POU6F2: variants seen among roughly 807,000 people sequenced by gnomAD.
POU6F2 encodes the protein POU class 6 homeobox 2.
In POU6F2, 31 loss-of-function variants were observed where a neutral mutation model predicts 71.3. The ratio of observed to expected loss-of-function variants is 0.43; its 90% CI spans 0.33 to 0.59. POU6F2 has a LOEUF of 0.59. Among genes scored for constraint, POU6F2 ranks in the 20% least tolerant of loss-of-function variants. The pLI, the probability that POU6F2 is intolerant of heterozygous loss-of-function variation, is 0.04. For synonymous variants in POU6F2, 347 were observed against 355.7 expected (o/e 0.98, Z 0.27); for missense variants, 783 against 856.8 (o/e 0.91, Z 1.07).
At chr7:39,289,962 C>G (rs1393815691) in intron 4 of POU6F2, among the ~76,000 whole-genome samples, 1 of 152,030 alleles carries the variant, frequency 6.6e-6, no homozygotes, top group Non-Finnish European at 1.5e-5. Flanking sequence ...CAGTTCTCAC[C>G]ACCCAGTGAC....
At chr7:39,067,601 CA>C (rs1790785427) in intron 1 of POU6F2, among the ~76,000 whole-genome samples, 1 of 151,944 alleles carries the variant, frequency 6.6e-6, no homozygotes, top group Admixed American at 6.6e-5. Flanking sequence ...GGGAAAATAA[CA>C]ATACCAGTCT....
Position 39,304,115 on chromosome 7 carries a change from T to C in POU6F2, c.599-35527T>C, listed in dbSNP as rs573405435. On this transcript the variant is annotated intron_variant, in intron 4 of 9. Coordinates refer to ENST00000518318, the MANE Select transcript of POU6F2 (RefSeq NM_001370959.1). ...AAGGAAAATTTTCAATGATTTTATA[T>C]GTAAAAATGTAAAAGAACTTTATAT... 2.6e-5 allele frequency among the ~76,000 whole-genome samples: 4 copies of C among 152,298 alleles called. No individual in the cohort carries two copies. The East Asian group carries it at 5.8e-4, about 22-fold the overall frequency.
chr7:39,303,289 A>G (rs574966612), intron 4 of POU6F2, among the ~76,000 whole-genome samples: 17 of 151,970 alleles, frequency 1.1e-4, no homozygotes, highest in Non-Finnish European at 2.4e-4. Context: ...CTGGGACTAT[A>G]GGCACCCTCC....
intron 5 of POU6F2, among the ~76,000 whole-genome samples, chr7:39,346,685 C>A (rs1416970872): frequency 6.6e-6 from 1 of 152,222 alleles, no homozygotes; most frequent in Non-Finnish European, 1.5e-5. Context: ...CCAAAATATG[C>A]CGGCTGGCAC....
chr7:39,078,123 A>G (rs1791035134), intron 1 of POU6F2, among the ~76,000 whole-genome samples: 2 of 152,234 alleles, frequency 1.3e-5, no homozygotes, highest in Admixed American at 6.5e-5. Context: ...ACAAGCTCTC[A>G]GACCAAGAGC....
rs569696944 is a variant in POU6F2, at chr7:39,112,426, G to A, written c.277+26395G>A. Among the ~76,000 whole-genome samples the A allele has an allele frequency of 1.8e-4, 27 of 152,216 alleles. No homozygotes were observed. The South Asian group carries it at 5.6e-3, about 32-fold the overall frequency. ...AACAGTACGTAATATATTATTGCATGCTTATACTATTGGTACTATTGCTTG... is the reference window on the plus strand; with the variant it reads ...AACAGTACGTAATATATTATTGCATACTTATACTATTGGTACTATTGCTTG... On this transcript the variant is annotated intron_variant, in intron 2 of 9. Transcript: ENST00000518318.
chr7:39,292,636 G>A (rs2128762521), intron 4 of POU6F2, among the ~76,000 whole-genome samples: 1 of 152,318 alleles, frequency 6.6e-6, no homozygotes, highest in African/African-American at 2.4e-5. Context: ...ACTGAGGCTA[G>A]TCAGCAAGAG....
intron 2 of POU6F2, among the ~76,000 whole-genome samples, chr7:39,171,541 G>C (rs1793219054): frequency 6.6e-6 from 1 of 151,984 alleles, no homozygotes; most frequent in African/African-American, 2.4e-5. Context: ...CCAAAATATT[G>C]AGTCAAAAAG....
At chr7:39,386,113 GTC>G (rs1786935522) in intron 5 of POU6F2, among the ~76,000 whole-genome samples, 2 of 124,174 alleles carry the variant, frequency 1.6e-5, no homozygotes, top group South Asian at 2.8e-4. Flanking sequence ...GCAAGACTCC[GTC>G]TCAAAAAAAA....
intron 2 of POU6F2, among the ~76,000 whole-genome samples, chr7:39,086,682 A>G (rs1002019939): frequency 6.6e-6 from 1 of 152,170 alleles, no homozygotes; most frequent in Non-Finnish European, 1.5e-5. Context: ...AGGCAGCCCA[A>G]GACCTTTTAG....
intron 2 of POU6F2, among the ~76,000 whole-genome samples, chr7:39,185,973 C>T (rs1259917650): frequency 6.6e-6 from 1 of 151,814 alleles, no homozygotes; most frequent in Non-Finnish European, 1.5e-5. Flanking sequence ...TGCAGCAGCA[C>T]GATCTTGGCT....
intron 1 of POU6F2, among the ~76,000 whole-genome samples, chr7:39,078,787 G>A (rs1394599816): frequency 6.6e-6 from 1 of 152,182 alleles, no homozygotes; most frequent in Non-Finnish European, 1.5e-5. Context: ...TCAGGCAGGA[G>A]CAATTCCTGA....
intron 1 of POU6F2, among the ~76,000 whole-genome samples, chr7:39,048,334 A>G (rs866696191): frequency 2.1e-5 from 3 of 145,114 alleles, no homozygotes; most frequent in Non-Finnish European, 3.1e-5. Flanking sequence ...CCTGATAGGT[A>G]GTTTTTTTTT....
intron 5 of POU6F2, among the ~76,000 whole-genome samples, chr7:39,341,239 G>C (rs1420961080): frequency 6.6e-6 from 1 of 152,200 alleles, no homozygotes; most frequent in Admixed American, 6.5e-5. Context: ...ATTCTCAGTG[G>C]TGTGGCCCAA....
intron 1 of POU6F2, among the ~76,000 whole-genome samples, chr7:39,009,858 T>C (rs1187424169): frequency 6.6e-6 from 1 of 150,636 alleles, no homozygotes; most frequent in East Asian, 1.9e-4. Flanking sequence ...CAGCCTTGCA[T>C]CCCAGGGATG....
intron 4 of POU6F2, among the ~76,000 whole-genome samples, chr7:39,325,402 T>G (rs1785485126): frequency 6.6e-6 from 1 of 152,194 alleles, no homozygotes; most frequent in Admixed American, 6.5e-5. Flanking sequence ...ACCCTGAAAT[T>G]GTTGTATATG....
rs1392544885 is a variant in POU6F2, at chr7:39,194,345, A to G, written c.278-9890A>G. ...CGAGAACACATCCTTGGGGTGGGAG[A>G]AGGGCATTAAAAATGTCTTGTTTGA... On this transcript the variant is annotated intron_variant, in intron 2 of 9. Coordinates refer to ENST00000518318, the MANE Select transcript of POU6F2 (RefSeq NM_001370959.1). Among the ~76,000 whole-genome samples the G allele has an allele frequency of 2.0e-5, 3 of 152,198 alleles. No homozygotes were observed. In the East Asian group the frequency reaches 5.8e-4, roughly 29 times the overall value.
At chr7:39,317,328 C>A (rs1349805643) in intron 4 of POU6F2, among the ~76,000 whole-genome samples, 3 of 152,180 alleles carry the variant, frequency 2.0e-5, no homozygotes, top group African/African-American at 7.2e-5. Context: ...CCAGCACACA[C>A]CCAGAGGGAG....
Position 39,053,348 on chromosome 7 carries a change from G to A in POU6F2, c.106-32512G>A, listed in dbSNP as rs546390916. 3.9e-5 allele frequency among the ~76,000 whole-genome samples: 6 copies of A among 152,068 alleles called. No individual in the cohort carries two copies. In the East Asian group the frequency reaches 1.2e-3, roughly 30 times the overall value. On this transcript the variant is annotated intron_variant, in intron 1 of 9. Transcript: ENST00000518318. ...ATCCCTGGTAATTTTGCCCAATAAG[G>A]TACTTTCTAAAAGAGAATCCTGATA...
Sources: allele counts gnomAD v4.1 joint callset (sites outside exome capture counted in the v4.1 genomes callset), GRCh38; gene constraint gnomAD v4.1.1; transcripts MANE v1.5; gene names NCBI Gene and HGNC (gene_info 2026-07-23, HGNC 2026-07-21).